Variants in XKR4 observed in about 807,000 individuals in gnomAD.
XKR4 encodes the protein XK related 4.
A neutral mutation model predicts 53.9 loss-of-function variants in XKR4; 12 were observed. The ratio of observed to expected loss-of-function variants is 0.22; its 90% CI spans 0.14 to 0.36. XKR4 has a LOEUF of 0.36. Among genes scored for constraint, XKR4 ranks in the 10% least tolerant of loss-of-function variants. XKR4 has a pLI of 1.00. For missense variants in XKR4, 799 were observed against 859.5 expected (o/e 0.93, Z 0.88); for synonymous variants, 354 against 362.4 (o/e 0.98, Z 0.26).
chr8:55,199,523 C>T (rs1039158030), intron 1 of XKR4, among the ~76,000 whole-genome samples: 2 of 152,140 alleles, frequency 1.3e-5, no homozygotes, highest in Non-Finnish European at 2.9e-5. Context: ...TGTAAGTTAT[C>T]TTTAGGTCCC....
intron 1 of XKR4, among the ~76,000 whole-genome samples, chr8:55,121,260 A>G (rs1816386557): frequency 6.6e-6 from 1 of 152,184 alleles, no homozygotes; most frequent in Non-Finnish European, 1.5e-5. Flanking sequence ...ATTATATGGG[A>G]AGAGTGCATT....
At chr8:55,217,738 TTAGA>T (rs71256520) in intron 1 of XKR4, among the ~76,000 whole-genome samples, 33,416 of 149,194 alleles carry the variant, frequency 0.22, 3,856 homozygotes, top group East Asian at 0.32. Context: ...GGAAGACAGA[TTAGA>T]TAGATAGATA....
chr8:55,161,639 G>T (rs1375328607), intron 1 of XKR4: 1 of 456,284 alleles, frequency 2.2e-6, no homozygotes, highest in Non-Finnish European at 4.4e-6. Context: ...TTGCAGTGGG[G>T]ATTGGGTAAG....
chr8:55,337,910 A>T (rs1803485778), intron 1 of XKR4, among the ~76,000 whole-genome samples: 1 of 152,216 alleles, frequency 6.6e-6, no homozygotes, highest in African/African-American at 2.4e-5. Flanking sequence ...ATAATATGTG[A>T]CATTTGGTTA....
intron 1 of XKR4, among the ~76,000 whole-genome samples, chr8:55,197,679 G>A (rs1817522544): frequency 6.6e-6 from 1 of 151,950 alleles, no homozygotes; most frequent in African/African-American, 2.4e-5. Context: ...AAGTAGCTGG[G>A]ACTACAGGCA....
chr8:55,492,000 C>T (rs1030550838), intron 2 of XKR4, among the ~76,000 whole-genome samples: 6 of 152,304 alleles, frequency 3.9e-5, no homozygotes, highest in Non-Finnish European at 7.4e-5. Context: ...TATTCTTCCC[C>T]ACAAAGTTCA....
chr8:55,118,124 A>C (rs190502243), intron 1 of XKR4, among the ~76,000 whole-genome samples: 6 of 152,308 alleles, frequency 3.9e-5, no homozygotes, highest in Non-Finnish European at 8.8e-5. Context: ...GATTTCTGAT[A>C]AACTATTCCT....
At chr8:55,453,592 G>T (rs1805496357) in intron 2 of XKR4, 1 of 399,880 alleles carries the variant, frequency 2.5e-6, no homozygotes, top group Non-Finnish European at 4.8e-6. Flanking sequence ...CAGCCTTCAT[G>T]GCTAGGGGTG....
chr8:55,339,255 C>A (rs537666281), intron 1 of XKR4, among the ~76,000 whole-genome samples: 1 of 152,258 alleles, frequency 6.6e-6, no homozygotes, highest in African/African-American at 2.4e-5. Context: ...ATGCTCAGCT[C>A]CACTTCTCAT....
chr8:55,162,916 G>A (rs1427840257), intron 1 of XKR4, among the ~76,000 whole-genome samples: 1 of 151,864 alleles, frequency 6.6e-6, no homozygotes, highest in Non-Finnish European at 1.5e-5. Flanking sequence ...CATATATATG[G>A]GGCATAATTT....
intron 1 of XKR4, among the ~76,000 whole-genome samples, chr8:55,120,212 A>G (rs1236118091): frequency 6.6e-6 from 1 of 152,188 alleles, no homozygotes; most frequent in Non-Finnish European, 1.5e-5. Context: ...TTTGCCATTC[A>G]TTCATGGGTT....
chr8:55,469,726 A>G lies in XKR4; in HGVS notation c.1007-53555A>G, dbSNP rs577475514. The stretch of plus-strand genomic sequence containing the variant: ...TTGGGAGGCTCTATTCCAATCTCCA[A>G]CTTCTAAGGATCAGGGAAGCCAGTA... On this transcript the variant is annotated intron_variant, in intron 2 of 2. Transcript: ENST00000327381. 1.6e-3 allele frequency among the ~76,000 whole-genome samples: 243 copies of G among 152,202 alleles called. 1 individual carries two copies. Among genetic ancestry groups the G allele is most frequent in the African/African-American group, 5.5e-3 (230 of 41,488 alleles).
intron 1 of XKR4, among the ~76,000 whole-genome samples, chr8:55,175,975 G>T (rs1817228872): frequency 6.6e-6 from 1 of 152,162 alleles, no homozygotes; most frequent in Non-Finnish European, 1.5e-5. Flanking sequence ...TCTATAGAAT[G>T]AAAATATTAA....
intron 2 of XKR4, among the ~76,000 whole-genome samples, chr8:55,439,463 T>TCA: frequency 6.6e-6 from 1 of 152,120 alleles, no homozygotes; most frequent in Non-Finnish European, 1.5e-5. Context: ...TCTATTAGAT[T>TCA]CAAATATAAA....
In XKR4 at chr8:55,538,306, T is replaced by A. The variant is rs1418728278; in HGVS notation, c.*14079T>A. The A allele has an allele frequency of 3.3e-5, 5 of 152,130 alleles. No homozygotes were observed. Among genetic ancestry groups the A allele is most frequent in the Non-Finnish European group, 7.3e-5 (5 of 68,038 alleles). The allele number at this position is 152,130 out of a possible 1,614,324, so 9.4% of individuals were successfully genotyped here. ...TTTATTTACCTACCTCATAGGGGTG[T>A]TGTGGAGATTAGCTAGATTTGCTAA... On this transcript the variant is annotated 3_prime_UTR_variant, in exon 3 of 3. Coordinates refer to ENST00000327381, the MANE Select transcript of XKR4 (RefSeq NM_052898.2).
chr8:55,240,340 C>T (rs566915355), intron 1 of XKR4, among the ~76,000 whole-genome samples: 1 of 152,114 alleles, frequency 6.6e-6, no homozygotes, highest in East Asian at 1.9e-4. Flanking sequence ...AAGTACTAAA[C>T]AACCTATATG....
intron 1 of XKR4, among the ~76,000 whole-genome samples, chr8:55,318,050 G>T (rs1803133059): frequency 6.6e-6 from 1 of 152,182 alleles, no homozygotes; most frequent in Non-Finnish European, 1.5e-5. Context: ...TTCAAGGTTG[G>T]ACTGAAACCA....
chr8:55,134,951 A>AT (rs11301687), intron 1 of XKR4, among the ~76,000 whole-genome samples: 29 of 149,900 alleles, frequency 1.9e-4, no homozygotes, highest in Non-Finnish European at 3.7e-4. Flanking sequence ...GAGAAGCTGG[A>AT]TTTTTTTTTT....
chr8:55,247,224 G>A (rs978909228), intron 1 of XKR4, among the ~76,000 whole-genome samples: 1 of 152,210 alleles, frequency 6.6e-6, no homozygotes, highest in Non-Finnish European at 1.5e-5. Flanking sequence ...AGTGGTAAGT[G>A]TGGGCAGGAA....
Sources: gnomAD v4.1 joint callset for allele counts (sites outside exome capture counted in the v4.1 genomes callset) on GRCh38, gnomAD v4.1.1 for gene constraint, MANE v1.5 for transcripts, NCBI Gene and HGNC (gene_info 2026-07-23, HGNC 2026-07-21) for gene names.